SPIN1: variants seen among roughly 807,000 people sequenced by gnomAD.
SPIN1 encodes spindlin-1.
Under a neutral mutation model 26.0 loss-of-function variants are expected in SPIN1, and 3 were observed. That is an observed-to-expected ratio of 0.12 (90% confidence interval 0.05 to 0.30). The LOEUF is 0.30. Among genes scored for constraint, SPIN1 ranks in the 10% least tolerant of loss-of-function variants. The pLI, the probability that SPIN1 is intolerant of heterozygous loss-of-function variation, is 1.00. For missense variants in SPIN1, 126 were observed against 333.4 expected, an observed-to-expected ratio of 0.38 and a Z score of 4.84; for synonymous variants, 101 against 116.5, an observed-to-expected ratio of 0.87 and a Z score of 0.86.
At chr9:88,400,515 C>G (rs1827163975) in intron 1 of SPIN1, among the ~76,000 whole-genome samples, 1 of 152,106 alleles carries the variant, frequency 6.6e-6, no homozygotes. Flanking sequence ...TCTGGCCTAA[C>G]AAGGAACTCC....
intron 3 of SPIN1, among the ~76,000 whole-genome samples, chr9:88,454,924 T>C (rs1327186200): frequency 3.3e-5 from 5 of 152,196 alleles, no homozygotes; most frequent in South Asian, 2.1e-4. Context: ...CCTTCAGCCT[T>C]GAGGGGAAAA....
At chr9:88,418,475 A>G (rs764736592) in intron 1 of SPIN1, among the ~76,000 whole-genome samples, 2 of 152,188 alleles carry the variant, frequency 1.3e-5, no homozygotes, top group Non-Finnish European at 1.5e-5. Context: ...TACACTTGAC[A>G]TGTTTCACTA....
At chr9:88,415,018 C>T (rs1362782397) in intron 1 of SPIN1, among the ~76,000 whole-genome samples, 1 of 152,096 alleles carries the variant, frequency 6.6e-6, no homozygotes, top group African/African-American at 2.4e-5. Context: ...GTTTTCCTGC[C>T]TTAGCCTCCC....
intron 1 of SPIN1, among the ~76,000 whole-genome samples, chr9:88,412,574 C>G (rs1827472343): frequency 6.6e-6 from 1 of 152,134 alleles, no homozygotes; most frequent in African/African-American, 2.4e-5. Flanking sequence ...TTTTCAGAAT[C>G]TTCTGAACAC....
intron 1 of SPIN1, among the ~76,000 whole-genome samples, chr9:88,407,673 A>G (rs7039120): frequency 0.026 from 3,980 of 151,046 alleles, 178 homozygotes; most frequent in African/African-American, 0.092. Context: ...AAAAAAAGCT[A>G]TTGAATTGTA....
At chr9:88,441,006 T>G (rs1587800565) in intron 2 of SPIN1, among the ~76,000 whole-genome samples, 1 of 151,850 alleles carries the variant, frequency 6.6e-6, no homozygotes, top group African/African-American at 2.4e-5. Flanking sequence ...CCACGTACTT[T>G]ATGACAATAA....
rs538988140 is a variant in SPIN1 at position 88,452,962 on chromosome 9, T to C, written c.101+3973T>C. On this transcript the variant is annotated intron_variant, in intron 3 of 5. Transcript: ENST00000375859. ...AGTGTATGACAGGCATTTACTGGTA[T>C]GTGGTAGAATTGTGATTGTTGAAAA... is the stretch of plus-strand genomic sequence containing the variant. Among the ~76,000 whole-genome samples, 5 of 152,296 alleles carry C rather than the reference T, an allele frequency of 3.3e-5. No homozygotes were observed. In the South Asian group the frequency reaches 8.3e-4, roughly 25 times the overall value.
At chr9:88,462,137 T>C (rs1828588808) in intron 3 of SPIN1, among the ~76,000 whole-genome samples, 1 of 148,440 alleles carries the variant, frequency 6.7e-6, no homozygotes, top group African/African-American at 2.6e-5. Context: ...GATCAGTCCT[T>C]CTTTAATTAA....
chr9:88,436,754 C>CTT lies in SPIN1; in HGVS notation c.52+10190_52+10191dup, dbSNP rs776223657. ...ATATGCACATAAATTTCCTCTGTGTCTTTTTTTTTTTTTTTTTTTTTTTTT... is the reference window on the plus strand; with the variant it reads ...ATATGCACATAAATTTCCTCTGTGTCTTTTTTTTTTTTTTTTTTTTTTTTTTT... On this transcript the variant is annotated intron_variant, in intron 2 of 5. Coordinates refer to ENST00000375859, the MANE Select transcript of SPIN1 (RefSeq NM_006717.3). Among the ~76,000 whole-genome samples the CTT allele has an allele frequency of 4.0e-3, 398 of 98,792 alleles. 45 individuals are homozygous for CTT. Among genetic ancestry groups the CTT allele is most frequent in the Non-Finnish European group, 6.0e-3 (291 of 48,570 alleles). 64.8% of individuals were successfully genotyped at this position (98,792 alleles called of 152,430 possible). A position where few individuals can be genotyped will look rare whatever the true frequency, so the allele number is the denominator to read the frequency against.
chr9:88,431,303 TG>T lies in SPIN1; in HGVS notation c.52+4713del, dbSNP rs1057369787. 5.9e-5 allele frequency among the ~76,000 whole-genome samples: 9 copies of T among 151,974 alleles called. No homozygotes were observed. In the South Asian group the frequency reaches 6.2e-4, roughly 11 times the overall value. ...CTCTCTCTCTCTCTTTTTTTTTTTT[TG>T]AGATGGAGTCTCAAGAGCTCTGTCG... On this transcript the variant is annotated intron_variant, in intron 2 of 5. Coordinates refer to ENST00000375859, the MANE Select transcript of SPIN1 (RefSeq NM_006717.3).
rs1426668716 is a variant in SPIN1 at position 88,478,151 on chromosome 9, C to T, written c.*2874C>T. On this transcript the variant is annotated 3_prime_UTR_variant, in exon 6 of 6. Coordinates refer to ENST00000375859, the MANE Select transcript of SPIN1 (RefSeq NM_006717.3). ...GCAGCATTTGAAGGGACTGTGTTTT[C>T]TTAAAAAAAAATCACAGTTACTTCT... The T allele has an allele frequency of 6.6e-6, 1 of 152,272 alleles. No individual in the cohort carries two copies. 9.4% of individuals were successfully genotyped at this position (152,272 alleles called of 1,614,324 possible).
intron 3 of SPIN1, among the ~76,000 whole-genome samples, chr9:88,450,617 G>A (rs1201628192): frequency 1.3e-5 from 2 of 152,106 alleles, no homozygotes; most frequent in Admixed American, 1.3e-4. Context: ...CATAGTAACT[G>A]AAAAAATCTC....
At chr9:88,419,256 C>G (rs1376376953) in intron 1 of SPIN1, among the ~76,000 whole-genome samples, 1 of 152,138 alleles carries the variant, frequency 6.6e-6, no homozygotes, top group African/African-American at 2.4e-5. Context: ...CACCCTGACT[C>G]ATTCTGATTT....
At chr9:88,440,957 C>T (rs1441987040) in intron 2 of SPIN1, among the ~76,000 whole-genome samples, 1 of 151,554 alleles carries the variant, frequency 6.6e-6, no homozygotes, top group Non-Finnish European at 1.5e-5. Context: ...CCTCCCCAAG[C>T]CTACTTCGAA....
At chr9:88,437,944 G>C (rs1198050158) in intron 2 of SPIN1, among the ~76,000 whole-genome samples, 1 of 152,056 alleles carries the variant, frequency 6.6e-6, no homozygotes, top group Non-Finnish European at 1.5e-5. Flanking sequence ...CAGAGGCCAG[G>C]AGTTCAAGAC....
chr9:88,418,654 C>G (rs1168868768), intron 1 of SPIN1: 3 of 152,222 alleles, frequency 2.0e-5, no homozygotes. Context: ...CTGAGAATTA[C>G]TGCTTTTATA....
chr9:88,395,771 C>A (rs1261931081), intron 1 of SPIN1, among the ~76,000 whole-genome samples: 2 of 151,902 alleles, frequency 1.3e-5, no homozygotes, highest in Non-Finnish European at 2.9e-5. Context: ...TTTTCAGGCT[C>A]AGTGTGATGG....
intron 2 of SPIN1, among the ~76,000 whole-genome samples, chr9:88,446,997 A>AT (rs1437777822): frequency 6.6e-6 from 1 of 151,836 alleles, no homozygotes; most frequent in East Asian, 1.9e-4. Flanking sequence ...GTATCATTAT[A>AT]TTTTCCCTCA....
intron 1 of SPIN1, among the ~76,000 whole-genome samples, chr9:88,398,632 A>G (rs1451541591): frequency 4.6e-5 from 7 of 151,694 alleles, no homozygotes; most frequent in East Asian, 2.0e-4. Flanking sequence ...CTGGAGTGCA[A>G]TGGCGCGATG....
Sources: gnomAD v4.1 joint callset for allele counts (sites outside exome capture counted in the v4.1 genomes callset) on GRCh38, gnomAD v4.1.1 for gene constraint, MANE v1.5 for transcripts, NCBI Gene and HGNC (gene_info 2026-07-23, HGNC 2026-07-21) for gene names.